The following LINGO2 variants were observed in gnomAD, a reference collection of about 807,000 sequenced individuals.
LINGO2 encodes the protein leucine rich repeat and Ig domain containing 2.
A neutral mutation model predicts 30.6 loss-of-function variants in LINGO2; 14 were observed. The ratio of observed to expected loss-of-function variants is 0.46; its 90% CI spans 0.30 to 0.72. The LOEUF (loss-of-function observed/expected upper bound fraction) is 0.72. Ranked by LOEUF, LINGO2 falls within the 30% of genes least tolerant of loss-of-function variation. The pLI is 0.07. For synonymous variants in LINGO2, 317 were observed against 288.5 expected, an observed-to-expected ratio of 1.10 and a Z score of -1.00; for missense variants, 729 against 751.7, an observed-to-expected ratio of 0.97 and a Z score of 0.35.
Position 28,573,924 on chromosome 9 carries a change from GA to G in LINGO2, c.-365+96275del, listed in dbSNP as rs1357318602. Among the ~76,000 whole-genome samples, 28 of 151,998 alleles carry G rather than the reference GA, an allele frequency of 1.8e-4. 1 individual carries two copies. The highest frequency in any genetic ancestry group is 3.3e-4 in the Admixed American group (5 of 15,248). ...ATGCACAGTATAGAAGAAAAACTAA[GA>G]AAAAAGATTAAATTTAGATGAGAGG... is the stretch of plus-strand genomic sequence containing the variant. On this transcript the variant is annotated intron_variant, in intron 1 of 5. Transcript: ENST00000379992.
chr9:28,937,536 C>T, the LINGO2 span, among the ~76,000 whole-genome samples: 10 of 152,264 alleles, frequency 6.6e-5, no homozygotes, highest in African/African-American at 2.2e-4. Flanking sequence ...TGATGCTCTG[C>T]TTTCCAGTCC....
chr9:28,381,318 T>C (rs1443557399), intron 2 of LINGO2, among the ~76,000 whole-genome samples: 3 of 152,060 alleles, frequency 2.0e-5, no homozygotes, highest in Non-Finnish European at 4.4e-5. Context: ...CTGTGGGTAT[T>C]TGGGTGCCAG....
At chr9:28,981,979 C>T in the LINGO2 span, among the ~76,000 whole-genome samples, 1 of 152,068 alleles carries the variant, frequency 6.6e-6, no homozygotes, top group South Asian at 2.1e-4. Context: ...ATAAGTGTTA[C>T]AGCAGAGAAA....
intron 4 of LINGO2, among the ~76,000 whole-genome samples, chr9:28,055,944 G>A (rs1041713388): frequency 1.2e-4 from 19 of 152,098 alleles, no homozygotes; most frequent in African/African-American, 4.1e-4. Context: ...GTTACTACTT[G>A]AATCTATCAT....
chr9:28,236,224 T>G (rs2133954367), intron 4 of LINGO2, among the ~76,000 whole-genome samples: 1 of 152,262 alleles, frequency 6.6e-6, no homozygotes, highest in East Asian at 1.9e-4. Flanking sequence ...GAATAGTATA[T>G]TTGGTAAAAA....
At chr9:29,199,164 T>C in the LINGO2 span, among the ~76,000 whole-genome samples, 1 of 152,070 alleles carries the variant, frequency 6.6e-6, no homozygotes, top group East Asian at 1.9e-4. Context: ...TAGACTGCAG[T>C]GTCTAAAGGA....
intron 4 of LINGO2, among the ~76,000 whole-genome samples, chr9:28,052,888 T>C (rs1437670268): frequency 1.3e-5 from 2 of 152,136 alleles, no homozygotes; most frequent in East Asian, 3.9e-4. Flanking sequence ...ATCTAGATAA[T>C]TGCTACTGTA....
At chr9:28,305,605 G>A (rs953539225) in intron 3 of LINGO2, among the ~76,000 whole-genome samples, 1 of 151,904 alleles carries the variant, frequency 6.6e-6, no homozygotes, top group African/African-American at 2.4e-5. Context: ...ACACAAAAAA[G>A]TTCCCAATAA....
chr9:28,182,503 A>G (rs2133717898), intron 4 of LINGO2, among the ~76,000 whole-genome samples: 1 of 152,360 alleles, frequency 6.6e-6, no homozygotes, highest in African/African-American at 2.4e-5. Flanking sequence ...ACAGCAAAAG[A>G]AACTATCATC....
At chr9:28,234,956 TA>T (rs768897421) in intron 4 of LINGO2, among the ~76,000 whole-genome samples, 5 of 152,194 alleles carry the variant, frequency 3.3e-5, no homozygotes, top group Non-Finnish European at 5.9e-5. Context: ...GAGTAGAACA[TA>T]AGGTGAATTG....
At chr9:28,337,527 G>T (rs941862892) in intron 3 of LINGO2, among the ~76,000 whole-genome samples, 1 of 152,138 alleles carries the variant, frequency 6.6e-6, no homozygotes, top group Non-Finnish European at 1.5e-5. Flanking sequence ...TGTCTCCAGG[G>T]CATGTCAGAG....
At chr9:28,961,440 T>C in the LINGO2 span, among the ~76,000 whole-genome samples, 123 of 152,268 alleles carry the variant, frequency 8.1e-4, 2 homozygotes, top group South Asian at 0.016. Context: ...ATTTTGCATG[T>C]TTATTAAAAA....
intron 3 of LINGO2, among the ~76,000 whole-genome samples, chr9:28,363,976 CAA>C (rs144751973): frequency 0.18 from 21,740 of 118,520 alleles, 1,697 homozygotes; most frequent in East Asian, 0.28. Context: ...AATTAGGTTA[CAA>C]AAAAAAAAAA....
intron 4 of LINGO2, among the ~76,000 whole-genome samples, chr9:28,205,590 C>T (rs1820381314): frequency 6.6e-6 from 1 of 152,056 alleles, no homozygotes. Context: ...ATTTTAGGCA[C>T]TCAATAAATA....
chr9:28,554,780 A>C (rs1587851568), intron 1 of LINGO2, among the ~76,000 whole-genome samples: 1 of 130,868 alleles, frequency 7.6e-6, no homozygotes, highest in East Asian at 2.3e-4. Flanking sequence ...GTAAAAGAAC[A>C]GAAATTATAA....
At chr9:29,189,840 T>C in the LINGO2 span, among the ~76,000 whole-genome samples, 1 of 151,430 alleles carries the variant, frequency 6.6e-6, no homozygotes, top group African/African-American at 2.4e-5. Context: ...CGAAACCCCG[T>C]CTCCACCAAA....
chr9:29,037,451 T>A, the LINGO2 span, among the ~76,000 whole-genome samples: 1 of 151,990 alleles, frequency 6.6e-6, no homozygotes, highest in African/African-American at 2.4e-5. Flanking sequence ...AATCACAAAG[T>A]AGATTCTAGT....
chr9:29,077,696 AT>A, the LINGO2 span, among the ~76,000 whole-genome samples: 6 of 151,976 alleles, frequency 3.9e-5, no homozygotes, highest in African/African-American at 1.2e-4. Context: ...CCATGAAATA[AT>A]TTTTTTACAG....
chr9:28,992,365 G>A, the LINGO2 span, among the ~76,000 whole-genome samples: 1 of 152,038 alleles, frequency 6.6e-6, no homozygotes, highest in Non-Finnish European at 1.5e-5. Context: ...AATTCATAAA[G>A]CAAGTCCTCA....
Sources: allele counts gnomAD v4.1 joint callset (sites outside exome capture counted in the v4.1 genomes callset), GRCh38; gene constraint gnomAD v4.1.1; transcripts MANE v1.5; gene names NCBI Gene and HGNC (gene_info 2026-07-23, HGNC 2026-07-21).